NEDD4L: variants seen among roughly 807,000 people sequenced by gnomAD.
NEDD4L encodes the protein NEDD4 like E3 ubiquitin protein ligase.
NEDD4L carries 54 observed loss-of-function variants against 148.9 expected under a neutral mutation model. That is an observed-to-expected ratio of 0.36 (90% CI 0.29 to 0.45). NEDD4L has a LOEUF of 0.45. NEDD4L is among the 20% of genes least tolerant of loss of function. NEDD4L has a pLI of 1.00. For synonymous variants in NEDD4L, 433 were observed against 440.7 expected, an observed-to-expected ratio of 0.98 and a Z score of 0.22; for missense variants, 856 against 1,233.8, an observed-to-expected ratio of 0.69 and a Z score of 4.59.
intron 5 of NEDD4L, among the ~76,000 whole-genome samples, chr18:58,311,064 G>T (rs1014492601): frequency 1.3e-5 from 2 of 151,848 alleles, no homozygotes; most frequent in Non-Finnish European, 2.9e-5. Context: ...TGGAACCCCA[G>T]ACAGTTGGTA....
intron 1 of NEDD4L, among the ~76,000 whole-genome samples, chr18:58,059,507 G>C (rs2082231955): frequency 6.6e-6 from 1 of 152,146 alleles, no homozygotes; most frequent in Non-Finnish European, 1.5e-5. Flanking sequence ...CATGCTGCCT[G>C]GCTAAGAAGG....
intron 1 of NEDD4L, among the ~76,000 whole-genome samples, chr18:58,060,736 C>G (rs1024479824): frequency 6.6e-6 from 1 of 152,128 alleles, no homozygotes; most frequent in African/African-American, 2.4e-5. Context: ...CCTTCCTTCT[C>G]CCCTAGGGGA....
Position 58,298,178 on chromosome 18 carries a change from T to C in NEDD4L, c.298-17804T>C, listed in dbSNP as rs376581022. 1.4e-4 allele frequency among the ~76,000 whole-genome samples: 21 copies of C among 152,310 alleles called. No individual in the cohort carries two copies. The East Asian group carries it at 3.1e-3, about 22-fold the overall frequency. On this transcript the variant is annotated intron_variant, in intron 5 of 30. Coordinates refer to ENST00000400345, the MANE Select transcript of NEDD4L (RefSeq NM_001144967.3). ...TACCGTTTTGGGTAATTTAAATTTA[T>C]GCTAGTTCACTCTGTCTACATGCAT...
chr18:58,331,759 A>G (rs1398821850), intron 11 of NEDD4L, among the ~76,000 whole-genome samples: 2 of 152,252 alleles, frequency 1.3e-5, no homozygotes, highest in Non-Finnish European at 2.9e-5. Context: ...AAAAAAAAAT[A>G]GTCATTACTA....
At chr18:58,196,838 T>A (rs976400618) in intron 2 of NEDD4L, among the ~76,000 whole-genome samples, 6 of 151,830 alleles carry the variant, frequency 4.0e-5, no homozygotes, top group African/African-American at 1.2e-4. Context: ...CCTGCTCTTT[T>A]TGGATAATTC....
intron 19 of NEDD4L, among the ~76,000 whole-genome samples, chr18:58,363,968 T>C (rs974956702): frequency 6.6e-6 from 1 of 152,228 alleles, no homozygotes; most frequent in African/African-American, 2.4e-5. Flanking sequence ...CCCTGACTCA[T>C]ATTCTGACAA....
chr18:58,330,686 G>C, intron 10 of NEDD4L, 52 bp from the exon 11 acceptor site: 1 of 1,382,292 alleles, frequency 7.2e-7, no homozygotes, highest in Non-Finnish European at 9.6e-7. Context: ...GGGGAGCTGG[G>C]TGGATCCCTA....
chr18:58,246,871 A>G (rs978610303), intron 3 of NEDD4L, among the ~76,000 whole-genome samples: 2 of 152,128 alleles, frequency 1.3e-5, no homozygotes, highest in African/African-American at 4.8e-5. Context: ...TTGAAGATGC[A>G]TGTTCTCTAT....
At chr18:58,211,190 G>C (rs2042569543) in intron 2 of NEDD4L, among the ~76,000 whole-genome samples, 1 of 152,144 alleles carries the variant, frequency 6.6e-6, no homozygotes, top group Non-Finnish European at 1.5e-5. Context: ...TTAAAATTAG[G>C]AATGAGAGAA....
At chr18:58,049,618 C>T (rs542350268) in intron 1 of NEDD4L, among the ~76,000 whole-genome samples, 1 of 152,198 alleles carries the variant, frequency 6.6e-6, no homozygotes, top group Admixed American at 6.5e-5. Flanking sequence ...TTAAAAGGAC[C>T]TAGTTTTCAT....
chr18:58,101,555 T>C (rs548428993), intron 1 of NEDD4L, among the ~76,000 whole-genome samples: 16 of 152,146 alleles, frequency 1.1e-4, no homozygotes, highest in Non-Finnish European at 2.2e-4. Context: ...CGAGTGTCAT[T>C]TGAGTAGCAA....
intron 1 of NEDD4L, among the ~76,000 whole-genome samples, chr18:58,087,446 A>G (rs754857827): frequency 6.6e-6 from 1 of 152,166 alleles, no homozygotes; most frequent in Non-Finnish European, 1.5e-5. Flanking sequence ...CCACGTTCCA[A>G]AGTCACTCAC....
chr18:58,396,410 G>T lies in NEDD4L; in HGVS notation c.*141G>T. 1 of 581,642 alleles carries T rather than the reference G, an allele frequency of 1.7e-6. No individual in the cohort carries two copies. The highest frequency in any genetic ancestry group is 3.1e-6 in the Non-Finnish European group (1 of 321,754). The allele number at this position is 581,642 out of a possible 1,614,324, so 36.0% of individuals were successfully genotyped here. ...GGAGCCGAGCCTTCACCACGCACTCGTCCAAGTTCGGATGCGGGAACCTGG... is the reference window on the plus strand; with the variant it reads ...GGAGCCGAGCCTTCACCACGCACTCTTCCAAGTTCGGATGCGGGAACCTGG... On this transcript the variant is annotated 3_prime_UTR_variant, in exon 31 of 31. Coordinates refer to ENST00000400345, the MANE Select transcript of NEDD4L (RefSeq NM_001144967.3).
At chr18:58,161,761 C>T (rs1162428483) in intron 1 of NEDD4L, among the ~76,000 whole-genome samples, 1 of 152,054 alleles carries the variant, frequency 6.6e-6, no homozygotes, top group Non-Finnish European at 1.5e-5. Context: ...TATGATTTTC[C>T]CTTCTTTATC....
In NEDD4L at chr18:58,357,270, C is replaced by A. The variant is rs1375315509; in HGVS notation, c.1767+18C>A. The A allele has an allele frequency of 3.7e-6, 6 of 1,606,118 alleles. No individual in the cohort carries two copies. The highest frequency in any genetic ancestry group is 5.1e-6 in the Non-Finnish European group (6 of 1,173,554). On this transcript the variant is annotated intron_variant, in intron 19 of 30. Coordinates refer to ENST00000400345, the MANE Select transcript of NEDD4L (RefSeq NM_001144967.3). ...CTGGTCCGGTCAGTATTTTCAAATT[C>A]TGCCTCTTCAGTATAAGATTTTGGT...
At position 58,256,845 on chromosome 18, in the gene NEDD4L, A is replaced by C; in HGVS notation, c.297+4791A>C. 1 of 1,193,060 alleles carries C rather than the reference A, an allele frequency of 8.4e-7. No individual in the cohort carries two copies. The highest frequency in any genetic ancestry group is 1.0e-6 in the Non-Finnish European group (1 of 952,938). The allele number at this position is 1,193,060 out of a possible 1,614,324, so 73.9% of individuals were successfully genotyped here. On this transcript the variant is annotated intron_variant, in intron 5 of 30. Transcript: ENST00000400345. This position sits in a 1 kb window ranked among gnomAD's most constrained non-coding sequence, Gnocchi z 5.2. ...ATGCTTACTCTGCGGCGTAACCAAA[A>C]TAAAACCTCACCCTCTGTTCCGGGA...
intron 16 of NEDD4L, among the ~76,000 whole-genome samples, chr18:58,344,546 G>A (rs1045669970): frequency 6.6e-6 from 1 of 152,164 alleles, no homozygotes; most frequent in Admixed American, 6.5e-5. Context: ...CCTGCCAAGA[G>A]AATTTCTCAT....
At chr18:58,246,387 A>G (rs896911299) in intron 3 of NEDD4L, among the ~76,000 whole-genome samples, 3 of 152,200 alleles carry the variant, frequency 2.0e-5, no homozygotes, top group Non-Finnish European at 4.4e-5. Flanking sequence ...CTATACATGT[A>G]TGTATATATC....
intron 2 of NEDD4L, among the ~76,000 whole-genome samples, chr18:58,192,542 G>A (rs984020218): frequency 6.6e-6 from 1 of 152,172 alleles, no homozygotes; most frequent in East Asian, 1.9e-4. Flanking sequence ...AGTGATTCAC[G>A]TTAGCCTTTC....
Sources: gnomAD v4.1 joint callset for allele counts (sites outside exome capture counted in the v4.1 genomes callset) on GRCh38, gnomAD v4.1.1 for gene constraint, Gnocchi (gnomAD v3.1) non-coding constraint, MANE v1.5 for transcripts, NCBI Gene and HGNC (gene_info 2026-07-23, HGNC 2026-07-21) for gene names.